The following CDH9 variants were observed in gnomAD, a reference collection of about 807,000 sequenced individuals.
CDH9 encodes cadherin-9.
In CDH9, 28 loss-of-function variants were observed where a neutral mutation model predicts 70.9. That is an observed-to-expected ratio of 0.40 (90% CI 0.29 to 0.54). CDH9 has a LOEUF of 0.54. CDH9 is among the 20% of genes least tolerant of loss of function. The pLI, the probability that CDH9 is intolerant of heterozygous loss-of-function variation, is 0.59. For synonymous variants in CDH9, 409 were observed against 343.1 expected (o/e 1.19, Z -2.12); for missense variants, 874 against 984.4 (o/e 0.89, Z 1.50).
At chr5:26,918,554 C>A (rs922898247) in intron 2 of CDH9, among the ~76,000 whole-genome samples, 2 of 152,090 alleles carry the variant, frequency 1.3e-5, no homozygotes, top group South Asian at 4.1e-4. Flanking sequence ...TAAAACTTGC[C>A]TTTTTAACAT....
chr5:26,977,699 C>T lies in CDH9; in HGVS notation c.228+10407G>A, dbSNP rs1414653062. Among the ~76,000 whole-genome samples the T allele has an allele frequency of 4.0e-5, 6 of 151,852 alleles. 1 individual carries two copies. The East Asian group carries it at 7.7e-4, about 20-fold the overall frequency. ...GTTAACAATTGAAAGGAGAAAGATC[C>T]AGGAATGGAGGAAGCCACAGAGGAG... On this transcript the variant is annotated intron_variant, in intron 2 of 11. Transcript: ENST00000231021.
At chr5:26,995,014 T>C (rs946326741) in intron 1 of CDH9, among the ~76,000 whole-genome samples, 1 of 152,200 alleles carries the variant, frequency 6.6e-6, no homozygotes, top group East Asian at 1.9e-4. Context: ...TGTTATACCA[T>C]CCATTCATTT....
chr5:26,969,751 T>C (rs1742186118), intron 2 of CDH9, among the ~76,000 whole-genome samples: 1 of 151,962 alleles, frequency 6.6e-6, no homozygotes, highest in Non-Finnish European at 1.5e-5. Flanking sequence ...CACAAGCTTT[T>C]TTCCCTGATA....
intron 2 of CDH9, among the ~76,000 whole-genome samples, chr5:26,987,091 C>A (rs954113396): frequency 2.8e-5 from 3 of 108,268 alleles, no homozygotes; most frequent in African/African-American, 1.0e-4. Context: ...CACTTGTATT[C>A]TTTTTTTTTT....
At chr5:26,906,204 A>G in intron 4 of CDH9, 78 bp from the exon 5 acceptor site, 2 of 1,189,774 alleles carry the variant, frequency 1.7e-6, no homozygotes, top group East Asian at 4.7e-5. Flanking sequence ...CTCATTTTAC[A>G]AAAGTTGATT....
chr5:26,985,484 T>A (rs2112088757), intron 2 of CDH9, among the ~76,000 whole-genome samples: 1 of 152,248 alleles, frequency 6.6e-6, no homozygotes, highest in African/African-American at 2.4e-5. Context: ...TTATTAAATT[T>A]TTCTGCACTA....
intron 2 of CDH9, among the ~76,000 whole-genome samples, chr5:26,930,961 T>C (rs1741452207): frequency 6.6e-6 from 1 of 152,142 alleles, no homozygotes; most frequent in Admixed American, 6.6e-5. Flanking sequence ...TAGCATATTA[T>C]TTTGTGGTTT....
At chr5:26,991,750 C>A (rs1434088589) in intron 1 of CDH9, among the ~76,000 whole-genome samples, 1 of 152,046 alleles carries the variant, frequency 6.6e-6, no homozygotes, top group South Asian at 2.1e-4. Flanking sequence ...TAAGGTGTAA[C>A]TTCTAGATTA....
chr5:26,885,896 A>G, intron 10 of CDH9, 31 bp from the exon 11 acceptor site: 1 of 1,606,386 alleles, frequency 6.2e-7, no homozygotes, highest in Non-Finnish European at 8.5e-7. Context: ...AAAAACAAAA[A>G]CTTTCATATT....
intron 2 of CDH9, among the ~76,000 whole-genome samples, chr5:26,944,129 GT>G (rs1367066786): frequency 1.3e-4 from 20 of 151,764 alleles, no homozygotes; most frequent in Admixed American, 9.8e-4. Context: ...ACTAATTCAT[GT>G]TTTTGGATTT....
chr5:26,950,767 A>G (rs893368002), intron 2 of CDH9, among the ~76,000 whole-genome samples: 1 of 152,250 alleles, frequency 6.6e-6, no homozygotes, highest in Admixed American at 6.5e-5. Context: ...GAGTAACATT[A>G]TGTTTAACAA....
intron 2 of CDH9, among the ~76,000 whole-genome samples, chr5:26,918,342 C>G (rs1315500241): frequency 6.6e-6 from 1 of 152,158 alleles, no homozygotes; most frequent in African/African-American, 2.4e-5. Flanking sequence ...GATGAGCCTG[C>G]TCTTGACTTA....
At chr5:26,936,734 A>G (rs1741565238) in intron 2 of CDH9, among the ~76,000 whole-genome samples, 1 of 152,078 alleles carries the variant, frequency 6.6e-6, no homozygotes, top group African/African-American at 2.4e-5. Flanking sequence ...CCAGAAATAT[A>G]CTCAAACAAA....
At chr5:26,903,250 A>G (rs1561189157) in intron 6 of CDH9, 2 of 319,280 alleles carry the variant, frequency 6.3e-6, no homozygotes, top group East Asian at 2.0e-4. Context: ...GAGGCAACCA[A>G]TGGAAAACAC....
At chr5:26,937,192 C>T (rs1253857308) in intron 2 of CDH9, among the ~76,000 whole-genome samples, 1 of 151,968 alleles carries the variant, frequency 6.6e-6, no homozygotes, top group Non-Finnish European at 1.5e-5. Flanking sequence ...AATAAATAGC[C>T]CAATTAGAAA....
At chr5:26,917,862 T>A (rs1741175235) in intron 2 of CDH9, among the ~76,000 whole-genome samples, 1 of 152,114 alleles carries the variant, frequency 6.6e-6, no homozygotes, top group Non-Finnish European at 1.5e-5. Context: ...AGATTAAACA[T>A]CTTCAAGTCA....
intron 9 of CDH9, among the ~76,000 whole-genome samples, chr5:26,888,490 C>CA (rs5866809): frequency 0.09 from 13,660 of 151,690 alleles, 785 homozygotes; most frequent in African/African-American, 0.17. Flanking sequence ...GCATCAAATT[C>CA]AAAAAAATCA....
At chr5:26,983,209 A>C (rs949190972) in intron 2 of CDH9, among the ~76,000 whole-genome samples, 1 of 152,182 alleles carries the variant, frequency 6.6e-6, no homozygotes, top group African/African-American at 2.4e-5. Flanking sequence ...GTGTGGAAGA[A>C]GAAATATCAT....
chr5:26,987,303 G>A (rs561166817), intron 2 of CDH9, among the ~76,000 whole-genome samples: 49 of 151,910 alleles, frequency 3.2e-4, no homozygotes, highest in African/African-American at 1.1e-3. Context: ...AGTATTGGGT[G>A]TAAATTGGGA....
Sources: gnomAD v4.1 joint callset for allele counts (sites outside exome capture counted in the v4.1 genomes callset) on GRCh38, gnomAD v4.1.1 for gene constraint, MANE v1.5 for transcripts, NCBI Gene and HGNC (gene_info 2026-07-23, HGNC 2026-07-21) for gene names.